Variants in VWA8 observed in about 807,000 individuals in gnomAD.
The protein encoded by VWA8 is von Willebrand factor A domain-containing protein 8.
VWA8 carries 221 observed loss-of-function variants against 241.5 expected under a neutral mutation model. The ratio of observed to expected loss-of-function variants is 0.91; its 90% CI spans 0.82 to 1.02. The LOEUF is 1.02. Ranked by LOEUF, VWA8 falls within the 50% of genes least tolerant of loss-of-function variation. The pLI, the probability that VWA8 is intolerant of heterozygous loss-of-function variation, is 0.00. For missense variants in VWA8, 2,322 were observed against 2,328.7 expected, an observed-to-expected ratio of 1.00 and a Z score of 0.06; for synonymous variants, 852 against 827.1, an observed-to-expected ratio of 1.03 and a Z score of -0.52.
intron 4 of VWA8, among the ~76,000 whole-genome samples, chr13:41,899,307 C>T (rs1187330403): frequency 6.6e-6 from 1 of 152,152 alleles, no homozygotes; most frequent in East Asian, 1.9e-4. Flanking sequence ...TATAGTGCAA[C>T]TGAATCCAGA....
chr13:41,840,728 T>C (rs940593276), intron 12 of VWA8, among the ~76,000 whole-genome samples: 2 of 148,630 alleles, frequency 1.3e-5, no homozygotes, highest in Non-Finnish European at 3.0e-5. Flanking sequence ...CACCGCACTC[T>C]AGCCTGGGTG....
intron 4 of VWA8, among the ~76,000 whole-genome samples, chr13:41,894,298 CAG>C (rs1161706733): frequency 2.0e-5 from 3 of 152,186 alleles, no homozygotes; most frequent in Non-Finnish European, 1.5e-5. Flanking sequence ...ACAAGCTATG[CAG>C]AGAGATCAAA....
At chr13:41,667,394 T>C (rs1278354053) in intron 37 of VWA8, among the ~76,000 whole-genome samples, 5 of 152,214 alleles carry the variant, frequency 3.3e-5, no homozygotes, top group Admixed American at 2.0e-4. Flanking sequence ...CAAATGCTGG[T>C]TGTGTGCTTA....
intron 35 of VWA8, among the ~76,000 whole-genome samples, chr13:41,683,296 T>A (rs565212415): frequency 1.3e-5 from 2 of 151,410 alleles, no homozygotes; most frequent in African/African-American, 2.4e-5. Context: ...ACATAAAAAA[T>A]AAATAAATAA....
chr13:41,589,768 C>T (rs576145589), intron 41 of VWA8, among the ~76,000 whole-genome samples: 2 of 152,160 alleles, frequency 1.3e-5, no homozygotes, highest in Non-Finnish European at 2.9e-5. Context: ...GGTCACAAAC[C>T]ATTGCTTTGT....
At chr13:41,699,440 G>A (rs1374824561) in intron 28 of VWA8, among the ~76,000 whole-genome samples, 170 bp from the exon 29 acceptor site, 1 of 152,122 alleles carries the variant, frequency 6.6e-6, no homozygotes, top group African/African-American at 2.4e-5. Flanking sequence ...AAACAACTTA[G>A]TTTTGACCCT....
intron 12 of VWA8, among the ~76,000 whole-genome samples, chr13:41,834,641 A>G (rs1871634504): frequency 2.0e-5 from 3 of 152,204 alleles, no homozygotes; most frequent in Non-Finnish European, 4.4e-5. Flanking sequence ...TGGGAGTGTA[A>G]ATTAGTTCAA....
At chr13:41,885,006 C>A (rs551542126) in intron 8 of VWA8, among the ~76,000 whole-genome samples, 32 of 152,258 alleles carry the variant, frequency 2.1e-4, no homozygotes, top group South Asian at 2.1e-4. Flanking sequence ...TCCACAGGGT[C>A]TCACTGAGTG....
intron 26 of VWA8, among the ~76,000 whole-genome samples, chr13:41,704,462 A>ATTTTTTT (rs1566421929): frequency 6.7e-6 from 1 of 149,124 alleles, no homozygotes. Flanking sequence ...TTAAGTCTTC[A>ATTTTTTT]CTTTTTTTTT....
intron 12 of VWA8, among the ~76,000 whole-genome samples, chr13:41,858,728 T>C (rs572829064): frequency 6.6e-6 from 1 of 152,048 alleles, no homozygotes; most frequent in Non-Finnish European, 1.5e-5. Context: ...TGATCAACAG[T>C]ATATACATGG....
At chr13:41,754,560 G>C (rs2045680328) in intron 21 of VWA8, among the ~76,000 whole-genome samples, 1 of 152,010 alleles carries the variant, frequency 6.6e-6, no homozygotes, top group Non-Finnish European at 1.5e-5. Context: ...AGGGTAGATG[G>C]GGTATCCATT....
intron 42 of VWA8, 90 bp downstream of exon 42, chr13:41,587,422 G>A: frequency 2.0e-6 from 3 of 1,532,242 alleles, no homozygotes; most frequent in Non-Finnish European, 2.7e-6. Context: ...AGAGGATGAA[G>A]ATTTTCATTC....
rs956445587 is a variant in VWA8 at position 41,729,669 on chromosome 13, T to C, written c.2511A>G (p.Ala837=). 5 of 1,605,988 alleles carry C rather than the reference T, an allele frequency of 3.1e-6. No homozygotes were observed. In the African/African-American group the frequency reaches 6.7e-5, roughly 22 times the overall value. The change falls in exon 23 of 45, where the codon GCA becomes GCG. Residue 837 remains alanine (A), a synonymous_variant. Coordinates refer to ENST00000379310, the MANE Select transcript of VWA8 (RefSeq NM_015058.2). ...IVYEDSPLVK[A]VKLGHILVVD... ...CTACCAGAATATGACCCAACTTTAC[T>C]GCTTTAACCTTTGACGACAGAAAAT...
intron 21 of VWA8, among the ~76,000 whole-genome samples, chr13:41,746,443 C>A (rs1177111840): frequency 6.6e-6 from 1 of 152,168 alleles, no homozygotes; most frequent in African/African-American, 2.4e-5. Flanking sequence ...GTCTGTAGCT[C>A]TGACTCATCA....
intron 20 of VWA8, among the ~76,000 whole-genome samples, chr13:41,764,121 TTC>T (rs1311239857): frequency 6.6e-6 from 1 of 152,150 alleles, no homozygotes; most frequent in Non-Finnish European, 1.5e-5. Flanking sequence ...ACCTACTTTT[TTC>T]TCTTTTCAAC....
At position 41,831,613 on chromosome 13, in the gene VWA8, G is replaced by GTTTT. The variant is rs71096547; in HGVS notation, c.1587-975_1587-972dup. 4.7e-3 allele frequency among the ~76,000 whole-genome samples: 532 copies of GTTTT among 113,354 alleles called. 9 individuals are homozygous for GTTTT. Among genetic ancestry groups the GTTTT allele is most frequent in the East Asian group, 6.0e-3 (22 of 3,660 alleles). 74.4% of individuals were successfully genotyped at this position (113,354 alleles called of 152,430 possible). On this transcript the variant is annotated intron_variant, in intron 13 of 44. Transcript: ENST00000379310. Reference sequence around the variant, plus strand: ...TTCTGATGGTGAAGCCCAGGCATGAGTTTTTTTTTTTTTTTTTTTTTTTGA... The same window carrying GTTTT: ...TTCTGATGGTGAAGCCCAGGCATGAGTTTTTTTTTTTTTTTTTTTTTTTTTTTGA...
At chr13:41,612,369 C>G (rs2044594516) in intron 38 of VWA8, among the ~76,000 whole-genome samples, 1 of 152,194 alleles carries the variant, frequency 6.6e-6, no homozygotes, top group African/African-American at 2.4e-5. Flanking sequence ...AACATAAACA[C>G]CATCAGCTTT....
intron 2 of VWA8, among the ~76,000 whole-genome samples, chr13:41,933,297 T>C (rs979036523): frequency 1.3e-5 from 2 of 151,956 alleles, no homozygotes; most frequent in African/African-American, 2.4e-5. Context: ...CAATACAACA[T>C]TGCTGAGAGA....
intron 10 of VWA8, among the ~76,000 whole-genome samples, chr13:41,867,728 T>C (rs1873377999): frequency 6.6e-6 from 1 of 152,098 alleles, no homozygotes; most frequent in Non-Finnish European, 1.5e-5. Context: ...AAAAAGTTTA[T>C]CATGAGCTGG....
Sources: gnomAD v4.1 joint callset for allele counts (sites outside exome capture counted in the v4.1 genomes callset) on GRCh38, gnomAD v4.1.1 for gene constraint, MANE v1.5 for transcripts, NCBI Gene and HGNC (gene_info 2026-07-23, HGNC 2026-07-21) for gene names.